Variants in FOXP2 observed in about 807,000 individuals in gnomAD.
FOXP2 encodes forkhead box P2, also known as forkhead box protein P2.
A neutral mutation model predicts 115.8 loss-of-function variants in FOXP2; 12 were observed. The observed-to-expected ratio is 0.10, with a 90% confidence interval of 0.07 to 0.17. The LOEUF (loss-of-function observed/expected upper bound fraction) is 0.17, where lower values mean the gene tolerates loss of function less well. Among genes scored for constraint, FOXP2 ranks in the 10% least tolerant of loss-of-function variants. The probability of loss-of-function intolerance (pLI) is 1.00; values close to 1 mark genes in which losing one functional copy is unlikely to be tolerated. For missense variants in FOXP2, 629 were observed against 843.5 expected, an observed-to-expected ratio of 0.75 and a Z score of 3.15; for synonymous variants, 328 against 297.7, an observed-to-expected ratio of 1.10 and a Z score of -1.05.
At chr7:114,683,606 A>G (rs1257620017) in intron 16 of FOXP2, among the ~76,000 whole-genome samples, 1 of 152,332 alleles carries the variant, frequency 6.6e-6, no homozygotes, top group Admixed American at 6.5e-5. Context: ...AAATGTGGAC[A>G]GGTCGAAGTC....
intron 1 of FOXP2, among the ~76,000 whole-genome samples, chr7:114,151,066 A>AT (rs548902163): frequency 1.6e-4 from 25 of 151,684 alleles, no homozygotes; most frequent in Non-Finnish European, 2.7e-4. Context: ...ACCGAATACC[A>AT]TTTTTTTTCT....
chr7:114,428,022 A>G (rs543248705), intron 2 of FOXP2, among the ~76,000 whole-genome samples: 1 of 151,734 alleles, frequency 6.6e-6, no homozygotes, highest in African/African-American at 2.4e-5. Flanking sequence ...TTTAATAAAT[A>G]CAGTTTTTCA....
chr7:114,536,462 A>G (rs1415371711), intron 3 of FOXP2, among the ~76,000 whole-genome samples: 3 of 146,632 alleles, frequency 2.0e-5, no homozygotes, highest in Non-Finnish European at 1.5e-5. Flanking sequence ...TACTTGGACT[A>G]AAATATACGT....
intron 1 of FOXP2, among the ~76,000 whole-genome samples, chr7:114,098,730 A>G (rs1023924889): frequency 1.3e-5 from 2 of 152,228 alleles, no homozygotes; most frequent in African/African-American, 4.8e-5. Flanking sequence ...GACAACTAAA[A>G]AGCTTTTCCA....
chr7:114,385,764 G>A (rs1216279184), intron 2 of FOXP2, among the ~76,000 whole-genome samples: 1 of 152,134 alleles, frequency 6.6e-6, no homozygotes, highest in East Asian at 1.9e-4. Context: ...ATGTCCCTTC[G>A]TGGTCGCCAA....
intron 1 of FOXP2, among the ~76,000 whole-genome samples, chr7:114,232,537 G>T (rs62469197): frequency 6.6e-6 from 1 of 152,060 alleles, no homozygotes; most frequent in South Asian, 2.1e-4. Context: ...TAGCAGGCCC[G>T]GCAGGGTGGC....
At chr7:114,682,494 G>A (rs1484197424) in intron 16 of FOXP2, among the ~76,000 whole-genome samples, 1 of 152,032 alleles carries the variant, frequency 6.6e-6, no homozygotes, top group East Asian at 1.9e-4. Flanking sequence ...GAATTGTCAG[G>A]GATGTTTCTA....
chr7:114,131,241 C>G (rs1791866679), intron 1 of FOXP2, among the ~76,000 whole-genome samples: 1 of 152,142 alleles, frequency 6.6e-6, no homozygotes, highest in Non-Finnish European at 1.5e-5. Context: ...CTCTTATACT[C>G]TAATTATCTC....
chr7:114,528,390 C>G (rs1329340628), intron 2 of FOXP2, among the ~76,000 whole-genome samples: 5 of 152,034 alleles, frequency 3.3e-5, no homozygotes, highest in Non-Finnish European at 7.4e-5. Context: ...TGACATTCAA[C>G]TGGATCTTTC....
chr7:114,591,647 A>G (rs1802443399), intron 3 of FOXP2, among the ~76,000 whole-genome samples: 1 of 152,002 alleles, frequency 6.6e-6, no homozygotes, highest in African/African-American at 2.4e-5. Flanking sequence ...CTTTCTCTGA[A>G]CATAAATCTT....
intron 1 of FOXP2, among the ~76,000 whole-genome samples, chr7:114,272,417 C>T (rs1308168524): frequency 2.6e-5 from 4 of 151,658 alleles, no homozygotes; most frequent in Non-Finnish European, 5.9e-5. Context: ...AAGTATTTCT[C>T]CCACTTCTAT....
At chr7:114,306,947 T>A (rs1481739662) in intron 2 of FOXP2, among the ~76,000 whole-genome samples, 1 of 152,128 alleles carries the variant, frequency 6.6e-6, no homozygotes, top group East Asian at 1.9e-4. Flanking sequence ...GTGATTACAG[T>A]GGGTCCACTG....
intron 1 of FOXP2, among the ~76,000 whole-genome samples, chr7:114,119,552 A>T (rs1791502596): frequency 6.6e-6 from 1 of 151,818 alleles, no homozygotes; most frequent in African/African-American, 2.4e-5. Flanking sequence ...ACCAGCCTAA[A>T]AAAAATTAAA....
chr7:114,481,697 A>G (rs1796544764), intron 2 of FOXP2, among the ~76,000 whole-genome samples: 1 of 151,272 alleles, frequency 6.6e-6, no homozygotes, highest in African/African-American at 2.4e-5. Flanking sequence ...CCCCCAGAGT[A>G]TTTAATTCCC....
chr7:114,231,125 A>G (rs1414836603), intron 1 of FOXP2, among the ~76,000 whole-genome samples: 1 of 152,066 alleles, frequency 6.6e-6, no homozygotes, highest in Admixed American at 6.6e-5. Context: ...AATTATGAAA[A>G]CAATATCATT....
intron 3 of FOXP2, among the ~76,000 whole-genome samples, chr7:114,595,536 G>C (rs367838526): frequency 1.3e-5 from 2 of 152,016 alleles, no homozygotes; most frequent in Non-Finnish European, 2.9e-5. Flanking sequence ...GAGGTTAATA[G>C]ATACCCAATT....
rs543043938 is a variant in FOXP2 at position 114,617,994 on chromosome 7, A to G, written c.259-10546A>G. On this transcript the variant is annotated intron_variant, in intron 3 of 16. Transcript: ENST00000350908. ...AGGCCTGCTTTTCACACTTTTGCCTAGGGAAGACGTTTAACATTCTTAATT... is the reference window on the plus strand; with the variant it reads ...AGGCCTGCTTTTCACACTTTTGCCTGGGGAAGACGTTTAACATTCTTAATT... Among the ~76,000 whole-genome samples the G allele has an allele frequency of 1.1e-3, 169 of 152,304 alleles. 1 individual carries two copies. Among genetic ancestry groups the G allele is most frequent in the African/African-American group, 3.8e-3 (158 of 41,552 alleles).
At chr7:114,462,328 T>A (rs923158220) in intron 2 of FOXP2, among the ~76,000 whole-genome samples, 7 of 90,976 alleles carry the variant, frequency 7.7e-5, no homozygotes, top group Admixed American at 1.2e-4. Flanking sequence ...AGGACAGAAA[T>A]AAAACTCAGC....
intron 2 of FOXP2, among the ~76,000 whole-genome samples, chr7:114,290,918 A>T (rs1020159634): frequency 6.6e-6 from 1 of 152,154 alleles, no homozygotes; most frequent in African/African-American, 2.4e-5. Context: ...ATGAACATTT[A>T]AAAAGTCAGT....
Sources: allele counts gnomAD v4.1 joint callset (sites outside exome capture counted in the v4.1 genomes callset), GRCh38; gene constraint gnomAD v4.1.1; transcripts MANE v1.5; gene names NCBI Gene and HGNC (gene_info 2026-07-23, HGNC 2026-07-21).